Variants in FSTL5 observed in about 807,000 individuals in gnomAD.
FSTL5 encodes follistatin like 5.
In FSTL5, 62 loss-of-function variants were observed where a neutral mutation model predicts 89.1. The ratio of observed to expected loss-of-function variants is 0.70; its 90% CI spans 0.57 to 0.86. The LOEUF is 0.86. FSTL5 is among the 40% of genes least tolerant of loss of function. The pLI, the probability that FSTL5 is intolerant of heterozygous loss-of-function variation, is 0.00. For missense variants in FSTL5, 1,057 were observed against 1,001.6 expected, an observed-to-expected ratio of 1.06 and a Z score of -0.75; for synonymous variants, 383 against 346.2, an observed-to-expected ratio of 1.11 and a Z score of -1.18.
In FSTL5 at chr4:161,574,987, C is replaced by T. The variant is rs543305766; in HGVS notation, c.1015+12468G>A. Reference sequence around the variant, plus strand: ...CCAACGTGTAAAAGCATTTCTATTTCTCCACAGCCTTGCCAGCATCTGTTG... The same window carrying T: ...CCAACGTGTAAAAGCATTTCTATTTTTCCACAGCCTTGCCAGCATCTGTTG... On this transcript the variant is annotated intron_variant, in intron 8 of 15. Transcript: ENST00000306100. Among the ~76,000 whole-genome samples the T allele has an allele frequency of 3.9e-5, 6 of 152,328 alleles. No individual in the cohort carries two copies. In the East Asian group the frequency reaches 1.2e-3, roughly 29 times the overall value.
At chr4:161,453,675 A>G (rs1409632057) in intron 15 of FSTL5, among the ~76,000 whole-genome samples, 1 of 152,060 alleles carries the variant, frequency 6.6e-6, no homozygotes, top group Admixed American at 6.6e-5. Context: ...GCTCACTGCA[A>G]CCTCCACCTC....
At position 161,856,662 on chromosome 4, in the gene FSTL5, G is replaced by GTGTATATATATA. The variant is rs1553971994; in HGVS notation, c.409+63741_409+63742insTATATATATACA. On this transcript the variant is annotated intron_variant, in intron 4 of 15. Transcript: ENST00000306100. ...TTTATTTGCATACTTGTGTGTGTGT[G>GTGTATATATATA]TATATATATATATATAAATATGTAT... 1.5e-3 allele frequency among the ~76,000 whole-genome samples: 223 copies of GTGTATATATATA among 147,864 alleles called. 1 individual carries two copies. Among genetic ancestry groups the GTGTATATATATA allele is most frequent in the East Asian group, 0.011 (54 of 5,052 alleles).
chr4:161,914,628 C>G (rs1394839276), intron 4 of FSTL5, among the ~76,000 whole-genome samples: 2 of 152,046 alleles, frequency 1.3e-5, no homozygotes, highest in Non-Finnish European at 1.5e-5. Flanking sequence ...GTTATTTTTT[C>G]TTTAAATATA....
intron 7 of FSTL5, among the ~76,000 whole-genome samples, chr4:161,608,491 G>C (rs1264184105): frequency 6.6e-6 from 1 of 151,796 alleles, no homozygotes; most frequent in East Asian, 1.9e-4. Context: ...AAATAAACAG[G>C]CTCAGAAATC....
At chr4:161,452,394 T>G (rs1210627704) in intron 15 of FSTL5, among the ~76,000 whole-genome samples, 1 of 151,938 alleles carries the variant, frequency 6.6e-6, no homozygotes, top group African/African-American at 2.4e-5. Flanking sequence ...GAGAATTGCT[T>G]GAATCCGGGA....
chr4:161,512,313 G>A (rs981854329), intron 10 of FSTL5, among the ~76,000 whole-genome samples: 8 of 152,066 alleles, frequency 5.3e-5, no homozygotes, highest in African/African-American at 1.9e-4. Flanking sequence ...ACACAGGTTA[G>A]AACAGGCAAT....
intron 3 of FSTL5, among the ~76,000 whole-genome samples, chr4:161,984,650 G>A (rs1014930977): frequency 6.6e-5 from 10 of 151,960 alleles, no homozygotes; most frequent in African/African-American, 2.2e-4. Context: ...AGCCTCCCCA[G>A]TAGAGTTCCA....
At chr4:161,603,544 T>C (rs1485152576) in intron 7 of FSTL5, among the ~76,000 whole-genome samples, 1 of 152,178 alleles carries the variant, frequency 6.6e-6, no homozygotes, top group East Asian at 1.9e-4. Flanking sequence ...ATCTGAGATT[T>C]CCGGCCTACA....
At chr4:161,844,331 G>A (rs1414040393) in intron 4 of FSTL5, among the ~76,000 whole-genome samples, 1 of 152,176 alleles carries the variant, frequency 6.6e-6, no homozygotes, top group East Asian at 1.9e-4. Flanking sequence ...TTACATTGTT[G>A]ATGGGAATGT....
At chr4:161,756,021 C>T (rs1446193307) in intron 6 of FSTL5, among the ~76,000 whole-genome samples, 1 of 151,830 alleles carries the variant, frequency 6.6e-6, no homozygotes, top group Admixed American at 6.6e-5. Flanking sequence ...AGATACAATC[C>T]ACACAGGTCA....
rs937759372 is a variant in FSTL5, at chr4:161,622,316, A to T, written c.894+34012T>A. On this transcript the variant is annotated intron_variant, in intron 7 of 15. Coordinates refer to ENST00000306100, the MANE Select transcript of FSTL5 (RefSeq NM_020116.5). ...CCTGGAAAGGTTAAGAAATTAATTC[A>T]TACCAATGTTACACAACTTTTTTTG... 3.9e-5 allele frequency among the ~76,000 whole-genome samples: 6 copies of T among 152,128 alleles called. No homozygotes were observed. The South Asian group carries it at 6.2e-4, about 16-fold the overall frequency.
rs1560869068 is a variant in FSTL5 at position 161,386,085 on chromosome 4, TTG to T, written c.2204_2205del (p.Thr735LysfsTer6). On this transcript the variant is annotated frameshift_variant, in exon 16 of 16. Transcript: ENST00000306100. LOFTEE classifies it high-confidence loss of function. ...AATGCCAGATCAGATATGTGCAGAT[TTG>T]TGTAAATATCAAAAGCCTCCTGTAT... The part of the protein sequence containing the change: ...GEIQEAFDIY[T>X]NLHISDLAFQ... 6.2e-7 allele frequency: 1 copy of T among 1,613,916 alleles called. No individual in the cohort carries two copies. The highest frequency in any genetic ancestry group is 1.3e-5 in the African/African-American group (1 of 74,896).
chr4:161,602,931 G>T (rs139976839), intron 7 of FSTL5, among the ~76,000 whole-genome samples: 1 of 152,140 alleles, frequency 6.6e-6, no homozygotes, highest in African/African-American at 2.4e-5. Flanking sequence ...AAGAAGGAAT[G>T]TAATACCAGA....
intron 3 of FSTL5, among the ~76,000 whole-genome samples, chr4:161,950,098 C>T (rs1403652899): frequency 1.3e-5 from 2 of 152,066 alleles, no homozygotes; most frequent in East Asian, 3.9e-4. Flanking sequence ...TGAGTCAATA[C>T]ATCTGTTTTG....
chr4:161,810,880 C>T (rs1385012045), intron 4 of FSTL5, among the ~76,000 whole-genome samples: 1 of 152,066 alleles, frequency 6.6e-6, no homozygotes, highest in African/African-American at 2.4e-5. Context: ...ATAAAAGCAA[C>T]CATAGCAACA....
chr4:161,433,249 A>C (rs1298663584), intron 15 of FSTL5, among the ~76,000 whole-genome samples: 1 of 152,006 alleles, frequency 6.6e-6, no homozygotes, highest in African/African-American at 2.4e-5. Context: ...GATTTATCCC[A>C]GAAATATGTA....
At chr4:161,878,342 AT>A (rs1732515673) in intron 4 of FSTL5, among the ~76,000 whole-genome samples, 1 of 152,100 alleles carries the variant, frequency 6.6e-6, no homozygotes, top group African/African-American at 2.4e-5. Flanking sequence ...ATGCATATGT[AT>A]TATGGTTTGA....
At chr4:161,950,195 AG>A (rs1734852162) in intron 3 of FSTL5, among the ~76,000 whole-genome samples, 1 of 152,138 alleles carries the variant, frequency 6.6e-6, no homozygotes. Flanking sequence ...CTGGGATCTT[AG>A]TACTAAGGTT....
rs535747803 is a variant in FSTL5 at position 161,403,484 on chromosome 4, A to AC, written c.1842-17036dup. 1.9e-3 allele frequency among the ~76,000 whole-genome samples: 292 copies of AC among 152,298 alleles called. 1 individual carries two copies. The highest frequency in any genetic ancestry group is 3.3e-3 in the Non-Finnish European group (227 of 68,026). On this transcript the variant is annotated intron_variant, in intron 15 of 15. Coordinates refer to ENST00000306100, the MANE Select transcript of FSTL5 (RefSeq NM_020116.5). The stretch of plus-strand genomic sequence containing the variant: ...GGCTAGTTTCTTGCATTTCCTTCCT[A>AC]CAGTGTTCACCAGAATTTTTTCTGC...
Sources: gnomAD v4.1 joint callset for allele counts (sites outside exome capture counted in the v4.1 genomes callset) on GRCh38, gnomAD v4.1.1 for gene constraint, MANE v1.5 for transcripts, NCBI Gene and HGNC (gene_info 2026-07-23, HGNC 2026-07-21) for gene names.